Variants in FAM168A observed in about 807,000 individuals in gnomAD.
FAM168A encodes the protein protein FAM168A.
In FAM168A, 3 loss-of-function variants were observed where a neutral mutation model predicts 28.5. The ratio of observed to expected loss-of-function variants is 0.11; its 90% confidence interval spans 0.05 to 0.27. The LOEUF (loss-of-function observed/expected upper bound fraction) is 0.27. Among genes scored for constraint, FAM168A ranks in the 10% least tolerant of loss-of-function variants. The probability of loss-of-function intolerance (pLI) is 1.00; values close to 1 mark genes in which losing one functional copy is unlikely to be tolerated. For missense variants in FAM168A, 222 were observed against 311.5 expected, an observed-to-expected ratio of 0.71 and a Z score of 2.16; for synonymous variants, 122 against 124.2, an observed-to-expected ratio of 0.98 and a Z score of 0.12.
At chr11:73,510,212 T>C (rs1287486088) in intron 1 of FAM168A, among the ~76,000 whole-genome samples, 1 of 152,148 alleles carries the variant, frequency 6.6e-6, no homozygotes, top group Non-Finnish European at 1.5e-5. Flanking sequence ...CCTACCTAGC[T>C]CTTTCAACTA....
chr11:73,459,840 C>T (rs192002928), intron 2 of FAM168A, among the ~76,000 whole-genome samples: 39 of 151,792 alleles, frequency 2.6e-4, no homozygotes, highest in African/African-American at 6.5e-4. Flanking sequence ...TCTGGTCTAT[C>T]CAGAGGGGTT....
intron 1 of FAM168A, among the ~76,000 whole-genome samples, chr11:73,478,650 A>C (rs1222749211): frequency 6.6e-6 from 1 of 152,206 alleles, no homozygotes; most frequent in East Asian, 1.9e-4. Context: ...TTGTTGATTC[A>C]ATAGTTACAA....
At chr11:73,419,400 C>T (rs1412565330) in intron 4 of FAM168A, among the ~76,000 whole-genome samples, 1 of 152,166 alleles carries the variant, frequency 6.6e-6, no homozygotes, top group Non-Finnish European at 1.5e-5. Context: ...ATGAGGCTTT[C>T]CTACTGGCAT....
chr11:73,472,020 T>C (rs1054123102), intron 1 of FAM168A, among the ~76,000 whole-genome samples: 17 of 152,144 alleles, frequency 1.1e-4, no homozygotes, highest in African/African-American at 3.6e-4. Flanking sequence ...TAAATTTTCA[T>C]AGGAGTGTGA....
At chr11:73,570,733 CAA>C (rs1239311974) in intron 1 of FAM168A, among the ~76,000 whole-genome samples, 5 of 92,934 alleles carry the variant, frequency 5.4e-5, no homozygotes, top group Non-Finnish European at 6.9e-5. Context: ...GATACTGTCT[CAA>C]AAAAAAAAAA....
intron 2 of FAM168A, among the ~76,000 whole-genome samples, chr11:73,455,343 G>A (rs764689867): frequency 4.6e-5 from 7 of 152,228 alleles, no homozygotes; most frequent in Non-Finnish European, 8.8e-5. Context: ...GTCCCACAAG[G>A]GGTAGACAAG....
intron 2 of FAM168A, among the ~76,000 whole-genome samples, chr11:73,451,005 G>T (rs756223208): frequency 6.6e-6 from 1 of 152,164 alleles, no homozygotes; most frequent in Non-Finnish European, 1.5e-5. Flanking sequence ...AACCAGGAAT[G>T]AATAGGTGCA....
At position 73,561,080 on chromosome 11, in the gene FAM168A, AC is replaced by A. The variant is rs1376740851; in HGVS notation, c.-19+36842del. 4.2e-3 allele frequency among the ~76,000 whole-genome samples: 560 copies of A among 132,170 alleles called. 3 individuals carry two copies. Among genetic ancestry groups the A allele is most frequent in the Non-Finnish European group, 6.1e-3 (346 of 56,826 alleles). 86.7% of individuals were successfully genotyped at this position (132,170 alleles called of 152,430 possible). A position where few individuals can be genotyped will look rare whatever the true frequency, so the allele number is the denominator to read the frequency against. ...CTGTCCCAAAAAAAAAAAACAAAAAACAAAAAGACCGGGCGCGGTGGCGGTG... is the reference window on the plus strand; with the variant it reads ...CTGTCCCAAAAAAAAAAAACAAAAAAAAAAAGACCGGGCGCGGTGGCGGTG... On this transcript the variant is annotated intron_variant, in intron 1 of 7. Coordinates refer to ENST00000356467, the MANE Select transcript of FAM168A (RefSeq NM_015159.3).
At chr11:73,517,750 A>G (rs1034935685) in intron 1 of FAM168A, among the ~76,000 whole-genome samples, 1 of 152,214 alleles carries the variant, frequency 6.6e-6, no homozygotes, top group African/African-American at 2.4e-5. Flanking sequence ...GAAATACCCA[A>G]TATGACCTTC....
intron 2 of FAM168A, among the ~76,000 whole-genome samples, chr11:73,454,736 G>A (rs1867496897): frequency 6.6e-6 from 1 of 152,152 alleles, no homozygotes; most frequent in Non-Finnish European, 1.5e-5. Context: ...GAGAGAAGTG[G>A]CTTGACTTCA....
rs1419385647 is a variant in FAM168A, at chr11:73,400,748, T to C, written c.*6015A>G. The C allele has an allele frequency of 6.6e-6, 1 of 152,194 alleles. No individual in the cohort carries two copies. Among genetic ancestry groups the C allele is most frequent in the African/African-American group, 2.4e-5 (1 of 41,452 alleles). The allele number at this position is 152,194 out of a possible 1,614,324, so 9.4% of individuals were successfully genotyped here. A position where few individuals can be genotyped will look rare whatever the true frequency, so the allele number is the denominator to read the frequency against. On this transcript the variant is annotated 3_prime_UTR_variant, in exon 8 of 8. Transcript: ENST00000356467. ...GACTCACTGGCCCAGGACAGTCCTC[T>C]GTGCCTCCCTCCCCAAGAACCACTC... is the stretch of plus-strand genomic sequence containing the variant.
intron 2 of FAM168A, among the ~76,000 whole-genome samples, chr11:73,458,529 C>G (rs901173964): frequency 1.3e-5 from 2 of 152,198 alleles, no homozygotes; most frequent in African/African-American, 4.8e-5. Flanking sequence ...GAGGACTTGC[C>G]TGACACTTCA....
intron 1 of FAM168A, among the ~76,000 whole-genome samples, chr11:73,524,805 G>A (rs1015909331): frequency 3.3e-5 from 5 of 152,214 alleles, no homozygotes; most frequent in African/African-American, 9.6e-5. Context: ...CACCATGTTG[G>A]TCAGGCTGGT....
At chr11:73,541,049 A>G (rs1409921007) in intron 1 of FAM168A, among the ~76,000 whole-genome samples, 1 of 152,074 alleles carries the variant, frequency 6.6e-6, no homozygotes, top group Non-Finnish European at 1.5e-5. Flanking sequence ...TACTAAAAAT[A>G]CGAAAATTAG....
intron 4 of FAM168A, among the ~76,000 whole-genome samples, chr11:73,416,410 G>T (rs1405184345): frequency 4.6e-5 from 7 of 152,080 alleles, no homozygotes; most frequent in African/African-American, 1.4e-4. Context: ...TATATGTCTG[G>T]ACAAAATAAA....
At chr11:73,459,586 A>G (rs894539347) in intron 2 of FAM168A, among the ~76,000 whole-genome samples, 4 of 152,148 alleles carry the variant, frequency 2.6e-5, no homozygotes, top group Non-Finnish European at 5.9e-5. Flanking sequence ...AAATGTCCTG[A>G]GCAAAGCAGC....
At chr11:73,464,736 C>T (rs1040129053) in intron 2 of FAM168A, among the ~76,000 whole-genome samples, 5 of 152,228 alleles carry the variant, frequency 3.3e-5, no homozygotes, top group East Asian at 1.9e-4. Flanking sequence ...AGGGCTTCAT[C>T]TGTTCTCCCG....
intron 1 of FAM168A, among the ~76,000 whole-genome samples, chr11:73,527,261 T>C (rs982339004): frequency 3.9e-5 from 6 of 152,130 alleles, no homozygotes; most frequent in Non-Finnish European, 7.4e-5. Context: ...TCCATCTAGA[T>C]ACATGAATAC....
chr11:73,556,436 T>C (rs1396050667), intron 1 of FAM168A, among the ~76,000 whole-genome samples: 1 of 150,630 alleles, frequency 6.6e-6, no homozygotes, highest in Non-Finnish European at 1.5e-5. Flanking sequence ...AATAATTAAA[T>C]AAAATAAAAA....
Sources: allele counts gnomAD v4.1 joint callset (sites outside exome capture counted in the v4.1 genomes callset), GRCh38; gene constraint gnomAD v4.1.1; transcripts MANE v1.5; gene names NCBI Gene and HGNC (gene_info 2026-07-23, HGNC 2026-07-21).